The following AGTPBP1 variants were observed in gnomAD, a reference collection of about 807,000 sequenced individuals.
The protein encoded by AGTPBP1 is cytosolic carboxypeptidase 1.
AGTPBP1 carries 70 observed loss-of-function variants against 143.9 expected under a neutral mutation model. The observed-to-expected ratio is 0.49, with a 90% CI of 0.40 to 0.59. The LOEUF is 0.59. Among genes scored for constraint, AGTPBP1 ranks in the 20% least tolerant of loss-of-function variants. The probability of loss-of-function intolerance (pLI) is 0.00; values close to 1 mark genes in which losing one functional copy is unlikely to be tolerated. For missense variants in AGTPBP1, 1,229 were observed against 1,464.5 expected (o/e 0.84, Z 2.62); for synonymous variants, 463 against 500.2 (o/e 0.93, Z 0.99).
chr9:85,604,422 C>A (rs550165073), intron 17 of AGTPBP1, among the ~76,000 whole-genome samples: 6 of 152,190 alleles, frequency 3.9e-5, no homozygotes, highest in Non-Finnish European at 8.8e-5. Context: ...TTGGGTCCCC[C>A]CTAATGCAGA....
chr9:85,633,041 T>C lies in AGTPBP1; in HGVS notation c.1636A>G (p.Thr546Ala). Reference sequence around the variant, plus strand: ...ATTTCTGCAGTAAAACCTGGGGCTGTTTGAGAAGGAATATTCTGCAATGTA... The same window carrying C: ...ATTTCTGCAGTAAAACCTGGGGCTGCTTGAGAAGGAATATTCTGCAATGTA... ...RITLQNIPSQ[T>A]APGFTAEMKK... Residue 546 changes from threonine (T) to alanine (A), a missense_variant, in exon 14 of 26, where the codon ACA becomes GCA. Thr to Ala is a moderately conservative substitution (Grantham distance 58). Around this residue, in one of 2 missense-constraint regions of AGTPBP1, gnomAD observed 743 missense variants for 812.2 expected, o/e 0.91. Transcript: ENST00000357081. The C allele has an allele frequency of 1.2e-6, 2 of 1,614,146 alleles. No individual in the cohort carries two copies. Among genetic ancestry groups the C allele is most frequent in the East Asian group, 4.5e-5 (2 of 44,888 alleles).
chr9:85,615,320 G>A (rs11788593), intron 17 of AGTPBP1, among the ~76,000 whole-genome samples: 1 of 152,116 alleles, frequency 6.6e-6, no homozygotes, highest in East Asian at 1.9e-4. Context: ...CCAACTTCTA[G>A]GAATTCATGG....
rs777505899 is a variant in AGTPBP1, at chr9:85,657,390, ATAT to A, written c.909+42_909+44del. 11 of 1,471,288 alleles carry A rather than the reference ATAT, an allele frequency of 7.5e-6. No homozygotes were observed. In the East Asian group the frequency reaches 1.2e-4, roughly 15 times the overall value. The allele number at this position is 1,471,288 out of a possible 1,614,324, so 91.1% of individuals were successfully genotyped here. A position where few individuals can be genotyped will look rare whatever the true frequency, so the allele number is the denominator to read the frequency against. ...ATTCAGTTTTCTTAACAACCAAATC[ATAT>A]TATTAGTACATAATCACAATAATAA... On this transcript the variant is annotated intron_variant, in intron 10 of 25. Coordinates refer to ENST00000357081, the MANE Select transcript of AGTPBP1 (RefSeq NM_001330701.2).
chr9:85,606,939 T>C (rs1431585917), intron 17 of AGTPBP1, among the ~76,000 whole-genome samples: 2 of 151,896 alleles, frequency 1.3e-5, no homozygotes, highest in East Asian at 3.8e-4. Context: ...AGAGGTTGGT[T>C]AATGAGTGTA....
intron 22 of AGTPBP1, among the ~76,000 whole-genome samples, chr9:85,586,057 AC>A: frequency 6.6e-6 from 1 of 152,256 alleles, no homozygotes; most frequent in Admixed American, 6.5e-5. Context: ...TACCAAAAAT[AC>A]AAAAATTAGC....
intron 12 of AGTPBP1, 39 bp downstream of exon 12, chr9:85,646,282 C>A: frequency 4.8e-6 from 7 of 1,469,774 alleles, no homozygotes; most frequent in South Asian, 1.1e-5. Flanking sequence ...TGTAGTATAT[C>A]ATTTATAAAG....
the AGTPBP1 span, among the ~76,000 whole-genome samples, chr9:85,763,308 A>G: frequency 1.3e-5 from 2 of 152,124 alleles, no homozygotes. Flanking sequence ...CCAACATGGA[A>G]ATTCTCAGGA....
At chr9:85,626,706 G>C (rs1831319868) in intron 14 of AGTPBP1, among the ~76,000 whole-genome samples, 2 of 152,148 alleles carry the variant, frequency 1.3e-5, no homozygotes, top group Non-Finnish European at 1.5e-5. Flanking sequence ...GAGCCAGATA[G>C]GCTTTGCAGG....
chr9:85,572,350 T>C (rs1235677091), intron 25 of AGTPBP1, among the ~76,000 whole-genome samples: 4 of 152,092 alleles, frequency 2.6e-5, no homozygotes, highest in Admixed American at 1.3e-4. Context: ...TATTTTTATA[T>C]TTATGCAATG....
chr9:85,747,579 A>G, the AGTPBP1 span, among the ~76,000 whole-genome samples: 1 of 152,132 alleles, frequency 6.6e-6, no homozygotes, highest in Non-Finnish European at 1.5e-5. Context: ...GTGTACCAGT[A>G]GTATTTTACC....
chr9:85,634,503 G>C (rs1587790038), intron 13 of AGTPBP1, among the ~76,000 whole-genome samples: 1 of 152,092 alleles, frequency 6.6e-6, no homozygotes, highest in East Asian at 1.9e-4. Context: ...GGAGAGCCTT[G>C]CACACTATAA....
At chr9:85,646,935 T>G (rs1832846939) in intron 11 of AGTPBP1, among the ~76,000 whole-genome samples, 2 of 151,384 alleles carry the variant, frequency 1.3e-5, no homozygotes, top group African/African-American at 4.9e-5. Context: ...GCTGGTGTGC[T>G]TAAAAAAAAA....
the AGTPBP1 span, among the ~76,000 whole-genome samples, chr9:85,757,048 A>G: frequency 6.6e-6 from 1 of 152,112 alleles, no homozygotes; most frequent in Non-Finnish European, 1.5e-5. Context: ...TGATGGTTAC[A>G]TAAGTGTGAA....
chr9:85,735,602 T>G (rs1245799506), intron 1 of AGTPBP1, among the ~76,000 whole-genome samples: 1 of 152,148 alleles, frequency 6.6e-6, no homozygotes, highest in Non-Finnish European at 1.5e-5. Context: ...AATATGAACC[T>G]TGTGTTAAAA....
the AGTPBP1 span, chr9:85,791,449 A>G: frequency 6.6e-6 from 1 of 152,028 alleles, no homozygotes; most frequent in Admixed American, 6.6e-5. Context: ...CCCACACCAC[A>G]CTTACCAACA....
chr9:85,608,885 A>G (rs936408354), intron 17 of AGTPBP1, among the ~76,000 whole-genome samples: 7 of 152,160 alleles, frequency 4.6e-5, no homozygotes, highest in Admixed American at 3.9e-4. Context: ...ATAATTTGGG[A>G]TATCAGACCC....
At chr9:85,644,433 G>GAA (rs35208769) in intron 12 of AGTPBP1, among the ~76,000 whole-genome samples, 8 of 133,152 alleles carry the variant, frequency 6.0e-5, no homozygotes, top group South Asian at 2.4e-4. Flanking sequence ...ATTTGGAGAG[G>GAA]AAAAAAAAAA....
At chr9:85,586,160 C>G (rs1317745740) in intron 22 of AGTPBP1, among the ~76,000 whole-genome samples, 1 of 151,132 alleles carries the variant, frequency 6.6e-6, no homozygotes, top group East Asian at 1.9e-4. Flanking sequence ...TTGCAGTGAG[C>G]CGAGGTTGCA....
intron 17 of AGTPBP1, among the ~76,000 whole-genome samples, chr9:85,613,007 C>T (rs1268477544): frequency 2.0e-5 from 3 of 151,798 alleles, no homozygotes; most frequent in African/African-American, 7.3e-5. Flanking sequence ...AAAATTACTG[C>T]AAATCATAAA....
Sources: allele counts gnomAD v4.1 joint callset (sites outside exome capture counted in the v4.1 genomes callset), GRCh38; gene constraint gnomAD v4.1.1; regional missense constraint gnomAD v4.1.1; transcripts MANE v1.5; gene names NCBI Gene and HGNC (gene_info 2026-07-23, HGNC 2026-07-21).